MAD1L1: variants seen among roughly 807,000 people sequenced by gnomAD.
MAD1L1 encodes the protein mitotic spindle assembly checkpoint protein MAD1.
A neutral mutation model predicts 96.9 loss-of-function variants in MAD1L1; 95 were observed. That is an observed-to-expected ratio of 0.98 (90% CI 0.83 to 1.16). The LOEUF is 1.16. Ranked by LOEUF, MAD1L1 falls within the 50% of genes most tolerant of loss-of-function variation. The pLI, the probability that MAD1L1 is intolerant of heterozygous loss-of-function variation, is 0.00. For missense variants in MAD1L1, 1,007 were observed against 954.4 expected (o/e 1.06, Z -0.73); for synonymous variants, 473 against 396.6 (o/e 1.19, Z -2.29).
At chr7:2,209,481 G>A (rs985101505) in intron 10 of MAD1L1, among the ~76,000 whole-genome samples, 1 of 152,196 alleles carries the variant, frequency 6.6e-6, no homozygotes, top group East Asian at 1.9e-4. Flanking sequence ...GCATGGGACA[G>A]CCAGAAGCGC....
At chr7:2,024,108 TAAAA>T (rs747660701) in intron 12 of MAD1L1, among the ~76,000 whole-genome samples, 1 of 140,574 alleles carries the variant, frequency 7.1e-6, no homozygotes, top group Non-Finnish European at 1.6e-5. Flanking sequence ...TAACCAACAT[TAAAA>T]AAAAAAAATA....
chr7:2,158,914 G>T (rs1789968312), intron 10 of MAD1L1, among the ~76,000 whole-genome samples: 1 of 149,606 alleles, frequency 6.7e-6, no homozygotes, highest in Non-Finnish European at 1.5e-5. Context: ...CTGGAGCTCA[G>T]ACTCTCTGGT....
At chr7:1,944,484 T>C (rs1350997456) in intron 16 of MAD1L1, among the ~76,000 whole-genome samples, 2 of 152,162 alleles carry the variant, frequency 1.3e-5, no homozygotes, top group Admixed American at 6.5e-5. Context: ...TTCCTTTGCA[T>C]GTACCACGAT....
chr7:2,224,902 A>T (rs945260310), intron 4 of MAD1L1, among the ~76,000 whole-genome samples: 1 of 152,118 alleles, frequency 6.6e-6, no homozygotes, highest in African/African-American at 2.4e-5. Flanking sequence ...CCCAGCATGG[A>T]CCCGAGACCC....
intron 11 of MAD1L1, among the ~76,000 whole-genome samples, chr7:2,069,960 T>G (rs1785048280): frequency 6.6e-6 from 1 of 152,228 alleles, no homozygotes; most frequent in Non-Finnish European, 1.5e-5. Context: ...GTCCCTGTGC[T>G]CGTTGCCTGT....
chr7:1,864,062 C>T (rs1784657955), intron 18 of MAD1L1, among the ~76,000 whole-genome samples: 1 of 152,182 alleles, frequency 6.6e-6, no homozygotes, highest in African/African-American at 2.4e-5. Flanking sequence ...CACTGCACTC[C>T]AGCCTGGGCC....
chr7:1,861,198 G>T (rs1391601397), intron 18 of MAD1L1, among the ~76,000 whole-genome samples: 1 of 152,174 alleles, frequency 6.6e-6, no homozygotes, highest in African/African-American at 2.4e-5. Context: ...GCTGGGGCTC[G>T]GCCACGGCTA....
intron 14 of MAD1L1, among the ~76,000 whole-genome samples, chr7:1,994,029 T>C (rs1781455204): frequency 6.6e-6 from 1 of 152,210 alleles, no homozygotes; most frequent in Non-Finnish European, 1.5e-5. Flanking sequence ...CCTGGAGCAC[T>C]CTCCACCACT....
chr7:2,083,088 T>C (rs1328008167), intron 11 of MAD1L1, among the ~76,000 whole-genome samples: 1 of 152,234 alleles, frequency 6.6e-6, no homozygotes, highest in Non-Finnish European at 1.5e-5. Flanking sequence ...TACCCAGGGC[T>C]GACAGCCTCT....
intron 15 of MAD1L1, among the ~76,000 whole-genome samples, chr7:1,972,626 A>C (rs10273955): frequency 0.04 from 6,069 of 151,576 alleles, 419 homozygotes; most frequent in African/African-American, 0.14. Context: ...AAAAAGCCAG[A>C]ACTTATTGTT....
At position 2,068,420 on chromosome 7, in the gene MAD1L1, C is replaced by T. The variant is rs545102895; in HGVS notation, c.1218+774G>A. Among the ~76,000 whole-genome samples, 5 of 152,348 alleles carry T rather than the reference C, an allele frequency of 3.3e-5. No individual in the cohort carries two copies. In the East Asian group the frequency reaches 5.8e-4, roughly 18 times the overall value. On this transcript the variant is annotated intron_variant, in intron 12 of 18. Coordinates refer to ENST00000265854, the MANE Select transcript of MAD1L1 (RefSeq NM_001013836.2). ...AAAGAGGCTTGGTTTTCATCAAAAA[C>T]GATCAAGAACAGGTAAACATCCATG...
chr7:1,887,179 T>A (rs915538648), intron 18 of MAD1L1, among the ~76,000 whole-genome samples: 3 of 152,222 alleles, frequency 2.0e-5, no homozygotes, highest in Admixed American at 1.3e-4. Flanking sequence ...AGGTGCCACA[T>A]GGGACGCCTG....
intron 10 of MAD1L1, among the ~76,000 whole-genome samples, chr7:2,167,270 G>A (rs1388675236): frequency 3.3e-5 from 5 of 152,290 alleles, no homozygotes; most frequent in Admixed American, 2.0e-4. Flanking sequence ...TTAGCAGGCC[G>A]GGCGCGGCAG....
intron 10 of MAD1L1, among the ~76,000 whole-genome samples, chr7:2,161,883 G>C (rs992538539): frequency 6.7e-6 from 1 of 150,374 alleles, no homozygotes; most frequent in African/African-American, 2.4e-5. Flanking sequence ...CGCCCTGTCC[G>C]GGAGGTGGGG....
rs57772706 is a variant in MAD1L1 at position 1,822,443 on chromosome 7, T to TATATA, written c.1999-6216_1999-6215insTATAT. Among the ~76,000 whole-genome samples, 7 of 105,454 alleles carry TATATA rather than the reference T, an allele frequency of 6.6e-5. No individual in the cohort carries two copies. In the East Asian group the frequency reaches 8.2e-4, roughly 12 times the overall value. The allele number at this position is 105,454 out of a possible 152,430, so 69.2% of individuals were successfully genotyped here. A position where few individuals can be genotyped will look rare whatever the true frequency, so the allele number is the denominator to read the frequency against. Reference sequence around the variant, plus strand: ...CCAAACCTCAGCATATATATATATATTTTTTTTTTTTTTTTGGAAAGAGGG... The same window carrying TATATA: ...CCAAACCTCAGCATATATATATATATATATATTTTTTTTTTTTTTTGGAAAGAGGG... On this transcript the variant is annotated intron_variant, in intron 18 of 18. Coordinates refer to ENST00000265854, the MANE Select transcript of MAD1L1 (RefSeq NM_001013836.2).
intron 10 of MAD1L1, among the ~76,000 whole-genome samples, chr7:2,179,381 A>T (rs1791083657): frequency 6.6e-6 from 1 of 151,946 alleles, no homozygotes; most frequent in Non-Finnish European, 1.5e-5. Context: ...TATAAAAATT[A>T]GCCGGGCATG....
At chr7:1,997,281 G>A (rs974307567) in intron 14 of MAD1L1, among the ~76,000 whole-genome samples, 2 of 152,254 alleles carry the variant, frequency 1.3e-5, no homozygotes, top group African/African-American at 4.8e-5. Flanking sequence ...TGGGAGACGG[G>A]ACGGGCACTA....
intron 14 of MAD1L1, among the ~76,000 whole-genome samples, chr7:2,000,168 C>T (rs1231298119): frequency 6.6e-6 from 1 of 152,164 alleles, no homozygotes; most frequent in Admixed American, 6.5e-5. Flanking sequence ...CACCCCATAC[C>T]ATGAGCCCAC....
intron 16 of MAD1L1, among the ~76,000 whole-genome samples, chr7:1,937,621 C>T (rs1197758504): frequency 4.0e-5 from 6 of 149,888 alleles, no homozygotes; most frequent in African/African-American, 1.2e-4. Context: ...AGGGGACAGC[C>T]GCCCCCAGCA....
Sources: allele counts gnomAD v4.1 joint callset (sites outside exome capture counted in the v4.1 genomes callset), GRCh38; gene constraint gnomAD v4.1.1; transcripts MANE v1.5; gene names NCBI Gene and HGNC (gene_info 2026-07-23, HGNC 2026-07-21).